PML: variants seen among roughly 807,000 people sequenced by gnomAD.
The protein encoded by PML is PML nuclear body scaffold.
PML carries 28 observed loss-of-function variants against 65.2 expected under a neutral mutation model. The ratio of observed to expected loss-of-function variants is 0.43; its 90% CI spans 0.32 to 0.59. PML has a LOEUF of 0.59. Ranked by LOEUF, PML falls within the 20% of genes least tolerant of loss-of-function variation. The probability of loss-of-function intolerance (pLI) is 0.08; values close to 1 mark genes in which losing one functional copy is unlikely to be tolerated. For synonymous variants in PML, 500 were observed against 508.8 expected (o/e 0.98, Z 0.23); for missense variants, 1,021 against 1,203.4 (o/e 0.85, Z 2.24).
At chr15:74,036,422 T>C (rs946163554) in intron 7 of PML, 5 of 1,294,788 alleles carry the variant, frequency 3.9e-6, no homozygotes, top group Non-Finnish European at 4.9e-6. Context: ...TCCACGACCA[T>C]CGCGTTCTCC....
chr15:74,015,609 A>G lies in PML; in HGVS notation c.603-7219A>G, dbSNP rs145875045. On this transcript the variant is annotated intron_variant, in intron 2 of 8. Transcript: ENST00000268058. Reference sequence around the variant, plus strand: ...CCAACAGGTGCGGCTATAGTGGCCTATCTGTACTGGGGAGGGGACACCCCA... The same window carrying G: ...CCAACAGGTGCGGCTATAGTGGCCTGTCTGTACTGGGGAGGGGACACCCCA... Among the ~76,000 whole-genome samples the G allele has an allele frequency of 2.0e-5, 3 of 152,324 alleles. No individual in the cohort carries two copies. The East Asian group carries it at 5.8e-4, about 29-fold the overall frequency.
At chr15:74,012,546 G>A (rs1449570781) in intron 2 of PML, among the ~76,000 whole-genome samples, 1 of 152,132 alleles carries the variant, frequency 6.6e-6, no homozygotes, top group Non-Finnish European at 1.5e-5. Flanking sequence ...CTGATTTCAG[G>A]TAATCCACCC....
chr15:74,006,363 C>T (rs2070049486), intron 2 of PML, among the ~76,000 whole-genome samples: 1 of 132,054 alleles, frequency 7.6e-6, no homozygotes, highest in Non-Finnish European at 1.5e-5. Flanking sequence ...TGCACTCCAG[C>T]CTGGGCGACA....
At chr15:74,002,152 A>C (rs1335583010) in intron 2 of PML, among the ~76,000 whole-genome samples, 1 of 152,186 alleles carries the variant, frequency 6.6e-6, no homozygotes, top group Non-Finnish European at 1.5e-5. Flanking sequence ...TAATTTCTGC[A>C]CTATGGCCAG....
Position 74,043,861 on chromosome 15 carries a change from T to G in PML, c.1862-360T>G, listed in dbSNP as rs1017101832. ...GGGGATTGGAGGAAGGAGCATGGGA[T>G]GGAGAGCTAAGTTCAAGCAGCCTGG... On this transcript the variant is annotated intron_variant, in intron 8 of 8. Transcript: ENST00000268058. The surrounding 1 kb of genome is among the most constrained non-coding windows in gnomAD (Gnocchi z 4.3). 1.9e-6 allele frequency: 1 copy of G among 518,004 alleles called. No individual in the cohort carries two copies. The highest frequency in any genetic ancestry group is 2.2e-5 in the Admixed American group (1 of 44,606). The allele number at this position is 518,004 out of a possible 1,614,324, so 32.1% of individuals were successfully genotyped here.
In PML at chr15:74,037,590, C is replaced by T; in HGVS notation, c.1710+3060C>T. On this transcript the variant is annotated intron_variant, in intron 7 of 8. Coordinates refer to ENST00000268058, the MANE Select transcript of PML (RefSeq NM_033238.3). The surrounding 1 kb of genome is among the most constrained non-coding windows in gnomAD (Gnocchi z 4.2). ...CCCCCTCCTTGCCCCTTCTTCACCC[C>T]ACCTCCTGCGCTTCCCCGCCAGTAC... is the stretch of plus-strand genomic sequence containing the variant. The T allele has an allele frequency of 1.0e-6, 1 of 985,418 alleles. No individual in the cohort carries two copies. The highest frequency in any genetic ancestry group is 1.2e-6 in the Non-Finnish European group (1 of 829,932). The allele number at this position is 985,418 out of a possible 1,614,324, so 61.0% of individuals were successfully genotyped here.
At position 74,045,631 on chromosome 15, in the gene PML, C is replaced by G. The variant is rs1345773231; in HGVS notation, c.*623C>G. On this transcript the variant is annotated 3_prime_UTR_variant, in exon 9 of 9. Transcript: ENST00000268058. ...GCATGTCCCTGCTTCCAAAGCCTGA[C>G]CTTCCAAAGCTTGCTTCCTTCCTCC... The G allele has an allele frequency of 4.3e-6, 1 of 233,630 alleles. No individual in the cohort carries two copies. Among genetic ancestry groups the G allele is most frequent in the East Asian group, 6.0e-5 (1 of 16,590 alleles). The allele number at this position is 233,630 out of a possible 1,614,324, so 14.5% of individuals were successfully genotyped here.
At chr15:74,009,406 C>T (rs2070218310) in intron 2 of PML, among the ~76,000 whole-genome samples, 1 of 152,080 alleles carries the variant, frequency 6.6e-6, no homozygotes, top group African/African-American at 2.4e-5. Flanking sequence ...TGCTTCCTGG[C>T]CTGCAAGGAG....
chr15:74,033,044 A>G, intron 5 of PML, 112 bp from the exon 6 acceptor site: 1 of 1,130,264 alleles, frequency 8.8e-7, no homozygotes, highest in Non-Finnish European at 1.3e-6. Flanking sequence ...AGAGCAGAGG[A>G]GAGGGGACAG....
intron 2 of PML, 43 bp downstream of exon 2, chr15:73,998,519 A>G (rs757840692): frequency 3.9e-6 from 6 of 1,530,882 alleles, no homozygotes; most frequent in Non-Finnish European, 3.6e-6. Context: ...TCCAAGTACC[A>G]GGTAGAGGGC....
chr15:74,028,598 G>A (rs959505513), intron 4 of PML, among the ~76,000 whole-genome samples: 10 of 152,052 alleles, frequency 6.6e-5, no homozygotes, highest in African/African-American at 2.2e-4. Context: ...ACCACCACCC[G>A]TTCCAGAAGG....
Position 74,035,626 on chromosome 15 carries a change from C to A in PML, c.1710+1096C>A. The stretch of plus-strand genomic sequence containing the variant: ...CAGCTGCAAAGGGGCATCAGCCCAC[C>A]CCACCGGATACGAGGGGCTGTGCGA... On this transcript the variant is annotated intron_variant, in intron 7 of 8. Transcript: ENST00000268058. This position sits in a 1 kb window ranked among gnomAD's most constrained non-coding sequence, Gnocchi z 4.1. 1 of 1,613,750 alleles carries A rather than the reference C, an allele frequency of 6.2e-7. No individual in the cohort carries two copies. The highest frequency in any genetic ancestry group is 1.1e-5 in the South Asian group (1 of 91,080).
chr15:74,016,682 T>C (rs1200005071), intron 2 of PML, among the ~76,000 whole-genome samples: 1 of 151,138 alleles, frequency 6.6e-6, no homozygotes, highest in African/African-American at 2.4e-5. Flanking sequence ...TCTGTGATCA[T>C]CTAAAACAAA....
At chr15:74,011,415 A>G (rs1482999239) in intron 2 of PML, among the ~76,000 whole-genome samples, 2 of 152,204 alleles carry the variant, frequency 1.3e-5, no homozygotes, top group Non-Finnish European at 2.9e-5. Flanking sequence ...ACAAGAAGAA[A>G]GAAGAATGTG....
rs2071771644 is a variant in PML, at chr15:74,046,404, T to G, written c.*1396T>G. On this transcript the variant is annotated 3_prime_UTR_variant, in exon 9 of 9. Transcript: ENST00000268058. ...GGATGCTTCCCAAGCAGCCCAGGCC[T>G]CTAGCCTCCATGGCTGATGACCTCA... The G allele has an allele frequency of 1.7e-5, 4 of 233,046 alleles. No individual in the cohort carries two copies. In the East Asian group the frequency reaches 1.8e-4, roughly 11 times the overall value. The allele number at this position is 233,046 out of a possible 1,614,324, so 14.4% of individuals were successfully genotyped here.
Position 74,023,136 on chromosome 15 carries a change from G to A in PML, c.911G>A (p.Arg304Gln). 1 of 1,604,360 alleles carries A rather than the reference G, an allele frequency of 6.2e-7. No homozygotes were observed. Among genetic ancestry groups the A allele is most frequent in the Non-Finnish European group, 8.5e-7 (1 of 1,178,436 alleles). ...ERELLEAVDA[R>Q]YQRDYEEMAS... is the part of the protein sequence containing the mutation. ...GAGCTGCTGGAGGCTGTGGACGCGC[G>A]GTACCAGCGCGACTACGAGGAGATG... The change falls in exon 3 of 9, where the codon CGG becomes CAG. Residue 304 changes from arginine to glutamine, a missense_variant. Coordinates refer to ENST00000268058, the MANE Select transcript of PML (RefSeq NM_033238.3).
intron 6 of PML, chr15:74,033,992 A>G (rs1441916316): frequency 1.2e-5 from 4 of 325,634 alleles, no homozygotes; most frequent in Non-Finnish European, 1.7e-5. Context: ...TTTGTTCCTC[A>G]TTCTGACTGA....
At chr15:74,028,822 G>A (rs1400847850) in intron 4 of PML, among the ~76,000 whole-genome samples, 1 of 152,144 alleles carries the variant, frequency 6.6e-6, no homozygotes, top group African/African-American at 2.4e-5. Context: ...TGTAGCATGT[G>A]TCAGAATTTC....
chr15:74,019,532 T>G (rs1320515905), intron 2 of PML, among the ~76,000 whole-genome samples: 1 of 152,218 alleles, frequency 6.6e-6, no homozygotes, highest in Non-Finnish European at 1.5e-5. Flanking sequence ...TCTACCCTCA[T>G]TCCACCCATC....
Sources: gnomAD v4.1 joint callset for allele counts (sites outside exome capture counted in the v4.1 genomes callset) on GRCh38, gnomAD v4.1.1 for gene constraint, Gnocchi (gnomAD v3.1) non-coding constraint, MANE v1.5 for transcripts, NCBI Gene and HGNC (gene_info 2026-07-23, HGNC 2026-07-21) for gene names.